The following CHODL variants were observed in gnomAD, a reference collection of about 807,000 sequenced individuals.
The protein encoded by CHODL is chondrolectin, also known as transmembrane protein MT75.
In CHODL, 29 loss-of-function variants were observed where a neutral mutation model predicts 34.5. The ratio of observed to expected loss-of-function variants is 0.84; its 90% CI spans 0.63 to 1.15. The LOEUF (loss-of-function observed/expected upper bound fraction) is 1.15. CHODL is among the 50% of genes most tolerant of loss of function. The probability of loss-of-function intolerance (pLI) is 0.00; values close to 1 mark genes in which losing one functional copy is unlikely to be tolerated. For missense variants in CHODL, 332 were observed against 332.5 expected (o/e 1.00, Z 0.01); for synonymous variants, 125 against 116.1 (o/e 1.08, Z -0.49).
At chr21:18,109,349 G>T (rs967343382) in intron 2 of CHODL, among the ~76,000 whole-genome samples, 1 of 151,988 alleles carries the variant, frequency 6.6e-6, no homozygotes, top group Non-Finnish European at 1.5e-5. Flanking sequence ...TATGATGTAG[G>T]TTTGGACTAT....
At chr21:18,233,245 T>C (rs1415925625) in intron 2 of CHODL, among the ~76,000 whole-genome samples, 1 of 151,936 alleles carries the variant, frequency 6.6e-6, no homozygotes, top group Non-Finnish European at 1.5e-5. Flanking sequence ...GCCTGGCTTA[T>C]TTCATTCATC....
chr21:17,920,744 A>T (rs966596661), intron 1 of CHODL, among the ~76,000 whole-genome samples: 3 of 152,228 alleles, frequency 2.0e-5, no homozygotes, highest in Non-Finnish European at 4.4e-5. Flanking sequence ...AGAGAGTGAG[A>T]TCTATCGGAG....
At chr21:17,960,704 G>A (rs1192234760) in intron 1 of CHODL, among the ~76,000 whole-genome samples, 1 of 151,998 alleles carries the variant, frequency 6.6e-6, no homozygotes, top group Non-Finnish European at 1.5e-5. Flanking sequence ...CAGGATAATG[G>A]ACTATTATCT....
intron 1 of CHODL, among the ~76,000 whole-genome samples, chr21:17,973,047 T>G (rs9680156): frequency 0.011 from 1,727 of 152,294 alleles, 24 homozygotes; most frequent in African/African-American, 0.038. Context: ...GGGGAAAGAA[T>G]TCCTTATTTA....
intron 2 of CHODL, among the ~76,000 whole-genome samples, chr21:18,168,300 T>C (rs191500303): frequency 6.6e-6 from 1 of 152,312 alleles, no homozygotes; most frequent in African/African-American, 2.4e-5. Flanking sequence ...AACTATCCTA[T>C]TAGGTCTGTC....
intron 2 of CHODL, among the ~76,000 whole-genome samples, chr21:18,150,615 A>G (rs1402519068): frequency 2.0e-5 from 3 of 152,128 alleles, no homozygotes; most frequent in Admixed American, 2.0e-4. Context: ...GTATAAGGGC[A>G]CTGCTCCCAT....
At chr21:18,139,820 T>G (rs1398771709) in intron 2 of CHODL, among the ~76,000 whole-genome samples, 1 of 152,188 alleles carries the variant, frequency 6.6e-6, no homozygotes, top group Non-Finnish European at 1.5e-5. Context: ...TAACTAATTT[T>G]TAGAAAGAGT....
intron 2 of CHODL, among the ~76,000 whole-genome samples, chr21:18,042,291 C>G (rs190447594): frequency 2.0e-5 from 3 of 152,012 alleles, no homozygotes; most frequent in Admixed American, 6.6e-5. Flanking sequence ...CTCCCCACCC[C>G]CTTCTGCAAA....
chr21:18,232,942 G>GATATATATATATATAT lies in CHODL; in HGVS notation c.-44-23552_-44-23537dup, dbSNP rs371388519. 6.1e-3 allele frequency among the ~76,000 whole-genome samples: 724 copies of GATATATATATATATAT among 119,198 alleles called. 15 individuals are homozygous for GATATATATATATATAT. Among genetic ancestry groups the GATATATATATATATAT allele is most frequent in the African/African-American group, 0.025 (667 of 26,982 alleles). The allele number at this position is 119,198 out of a possible 152,430, so 78.2% of individuals were successfully genotyped here. On this transcript the variant is annotated intron_variant, in intron 2 of 6. Coordinates refer to the CHODL transcript ENST00000400127. ...AATTATGGGGTCCACATGATGTTAT[G>GATATATATATATATAT]ATATATATATATATATATATATATA...
At position 18,174,133 on chromosome 21, in the gene CHODL, A is replaced by ATATCTTGG. The variant is rs1555879176; in HGVS notation, c.-44-82373_-44-82372insCTTGGTAT. On this transcript the variant is annotated intron_variant, in intron 2 of 6. Transcript: ENST00000400127. ...TATATATATCTTGGTGTATATATAT[A>ATATCTTGG]TATATATATATATATATATATATAT... Among the ~76,000 whole-genome samples the ATATCTTGG allele has an allele frequency of 3.4e-4, 6 of 17,852 alleles. No homozygotes were observed. In the South Asian group the frequency reaches 8.2e-3, roughly 24 times the overall value. 11.7% of individuals were successfully genotyped at this position (17,852 alleles called of 152,430 possible).
intron 2 of CHODL, among the ~76,000 whole-genome samples, chr21:18,223,134 C>T (rs2073899918): frequency 6.6e-6 from 1 of 151,986 alleles, no homozygotes; most frequent in African/African-American, 2.4e-5. Flanking sequence ...GTGGGAAAAA[C>T]TGATCAGAAA....
intron 2 of CHODL, among the ~76,000 whole-genome samples, chr21:18,070,035 C>T (rs528454598): frequency 6.0e-4 from 46 of 77,126 alleles, no homozygotes; most frequent in Admixed American, 1.7e-3. Flanking sequence ...TCCCCCCCCC[C>T]ACCCATTTCC....
At chr21:18,218,815 C>A (rs1177262466) in intron 2 of CHODL, among the ~76,000 whole-genome samples, 1 of 152,146 alleles carries the variant, frequency 6.6e-6, no homozygotes, top group African/African-American at 2.4e-5. Flanking sequence ...CAAGAGCAAC[C>A]TTTACTTCAG....
intron 2 of CHODL, among the ~76,000 whole-genome samples, chr21:18,097,636 A>T (rs2065156090): frequency 6.6e-6 from 1 of 152,140 alleles, no homozygotes; most frequent in Non-Finnish European, 1.5e-5. Context: ...TAAAATATCC[A>T]TACTACTCAA....
intron 1 of CHODL, among the ~76,000 whole-genome samples, chr21:17,926,620 A>C (rs1165769442): frequency 1.3e-5 from 2 of 152,086 alleles, no homozygotes; most frequent in East Asian, 3.9e-4. Context: ...AAACTATCAG[A>C]TCTTGTGATA....
intron 1 of CHODL, among the ~76,000 whole-genome samples, chr21:17,946,015 T>C (rs2063404675): frequency 6.6e-6 from 1 of 151,962 alleles, no homozygotes. Context: ...TCTTTAGAAA[T>C]GAAGAAGACA....
rs558294503 is a variant in CHODL at position 17,986,196 on chromosome 21, G to C, written c.-144-41676G>C. On this transcript the variant is annotated intron_variant, in intron 1 of 6. Transcript: ENST00000400127. The stretch of plus-strand genomic sequence containing the variant: ...TCATTTTTATTATACTTTAAGTTCT[G>C]GGTTACATGTGCAGAAACTGCAGTT... Among the ~76,000 whole-genome samples, 12 of 151,446 alleles carry C rather than the reference G, an allele frequency of 7.9e-5. No individual in the cohort carries two copies. In the South Asian group the frequency reaches 2.3e-3, roughly 29 times the overall value.
intron 1 of CHODL, among the ~76,000 whole-genome samples, chr21:17,985,305 A>G (rs2063744990): frequency 6.6e-6 from 1 of 152,148 alleles, no homozygotes; most frequent in Non-Finnish European, 1.5e-5. Context: ...TATCAAGAGT[A>G]TTAATTTATG....
At chr21:18,258,829 TAAAGG>T (rs1052903784) in intron 3 of CHODL, among the ~76,000 whole-genome samples, 1 of 152,100 alleles carries the variant, frequency 6.6e-6, no homozygotes, top group African/African-American at 2.4e-5. Flanking sequence ...GTCTGCTTAG[TAAAGG>T]ATGTTGGTTT....
Sources: gnomAD v4.1 joint callset for allele counts (sites outside exome capture counted in the v4.1 genomes callset) on GRCh38, gnomAD v4.1.1 for gene constraint, MANE v1.5 for transcripts, NCBI Gene and HGNC (gene_info 2026-07-23, HGNC 2026-07-21) for gene names.